Variants in CYTH1 observed in about 807,000 individuals in gnomAD.
CYTH1 encodes the protein cytohesin 1, also known as cytohesin-1.
Under a neutral mutation model 61.8 loss-of-function variants are expected in CYTH1, and 18 were observed. The observed-to-expected ratio is 0.29, with a 90% CI of 0.20 to 0.43. The LOEUF (loss-of-function observed/expected upper bound fraction) is 0.43, where lower values mean the gene tolerates loss of function less well. CYTH1 is among the 20% of genes least tolerant of loss of function. The pLI is 1.00. For synonymous variants in CYTH1, 174 were observed against 184.3 expected (o/e 0.94, Z 0.45); for missense variants, 336 against 510.5 (o/e 0.66, Z 3.29).
chr17:78,732,772 A>T (rs1418768330), intron 1 of CYTH1, among the ~76,000 whole-genome samples: 1 of 152,176 alleles, frequency 6.6e-6, no homozygotes, highest in African/African-American at 2.4e-5. Flanking sequence ...AGAGACTACC[A>T]CAATCACATG....
rs56020680 is a variant in CYTH1, at chr17:78,733,076, C to CAAAAAAAA, written c.23-23352_23-23345dup. On this transcript the variant is annotated intron_variant, in intron 1 of 13. Transcript: ENST00000446868. ...CTGGCAACAGAGTGAGACTCCATCT[C>CAAAAAAAA]AAAAAAAAAAAAAAAAAAAAAAAAA... Among the ~76,000 whole-genome samples, 31 of 47,724 alleles carry CAAAAAAAA rather than the reference C, an allele frequency of 6.5e-4. 1 individual carries two copies. The highest frequency in any genetic ancestry group is 6.5e-3 in the East Asian group (7 of 1,080). 31.3% of individuals were successfully genotyped at this position (47,724 alleles called of 152,430 possible). A position where few individuals can be genotyped will look rare whatever the true frequency, so the allele number is the denominator to read the frequency against.
intron 1 of CYTH1, among the ~76,000 whole-genome samples, chr17:78,761,017 G>A (rs529467547): frequency 3.4e-4 from 51 of 152,144 alleles, no homozygotes; most frequent in Admixed American, 2.6e-4. Context: ...TGTATTTTTT[G>A]TAGAGACAGA....
At chr17:78,686,479 C>T (rs1371867801) in intron 11 of CYTH1, among the ~76,000 whole-genome samples, 1 of 152,138 alleles carries the variant, frequency 6.6e-6, no homozygotes, top group East Asian at 1.9e-4. Flanking sequence ...GTCCCCCTAA[C>T]CACTTACCCT....
intron 11 of CYTH1, among the ~76,000 whole-genome samples, chr17:78,683,243 C>T (rs887096728): frequency 1.3e-5 from 2 of 152,156 alleles, no homozygotes; most frequent in African/African-American, 4.8e-5. Flanking sequence ...GTGGTGGACC[C>T]TTCTTCTTCC....
intron 1 of CYTH1, among the ~76,000 whole-genome samples, chr17:78,724,553 T>C (rs907389766): frequency 6.6e-6 from 1 of 152,102 alleles, no homozygotes; most frequent in Non-Finnish European, 1.5e-5. Context: ...AGCATCCCCA[T>C]CCCAATTCCC....
At chr17:78,735,481 G>C (rs958580418) in intron 1 of CYTH1, among the ~76,000 whole-genome samples, 2 of 152,226 alleles carry the variant, frequency 1.3e-5, no homozygotes, top group African/African-American at 4.8e-5. Flanking sequence ...GCACCAAGCA[G>C]GCAGTTCAGC....
chr17:78,692,576 C>G, intron 10 of CYTH1, 83 bp from the exon 11 acceptor site: 1 of 1,311,132 alleles, frequency 7.6e-7, no homozygotes. Flanking sequence ...ACCCTCTCTT[C>G]TCAGAGAGGG....
chr17:78,732,297 A>C (rs75092973), intron 1 of CYTH1, among the ~76,000 whole-genome samples: 147 of 152,286 alleles, frequency 9.7e-4, no homozygotes, highest in African/African-American at 3.4e-3. Context: ...TTGATCCCCC[A>C]CAGCCAGTCC....
At chr17:78,773,496 G>A (rs2093479588) in intron 1 of CYTH1, among the ~76,000 whole-genome samples, 1 of 150,808 alleles carries the variant, frequency 6.6e-6, no homozygotes. Flanking sequence ...AGGGCATGGT[G>A]GCGTGCGCCT....
intron 1 of CYTH1, among the ~76,000 whole-genome samples, chr17:78,715,211 A>G (rs1253628236): frequency 6.6e-6 from 1 of 152,226 alleles, no homozygotes; most frequent in African/African-American, 2.4e-5. Flanking sequence ...CCACGAGGGA[A>G]GATCTCGCTG....
rs2093189598 is a variant in CYTH1 at position 78,717,290 on chromosome 17, G to A, written c.23-7558C>T. 6.6e-6 allele frequency among the ~76,000 whole-genome samples: 1 copy of A among 152,144 alleles called. No individual in the cohort carries two copies. Among genetic ancestry groups the A allele is most frequent in the Admixed American group, 6.5e-5 (1 of 15,280 alleles). ...TCGCCCTCCTCGCCCATTGCCAGAG[G>A]GGCACCCGGAATCCATGCCCACAAA... On this transcript the variant is annotated intron_variant, in intron 1 of 13. Coordinates refer to ENST00000446868, the MANE Select transcript of CYTH1 (RefSeq NM_004762.6). The surrounding 1 kb of genome is among the most constrained non-coding windows in gnomAD (Gnocchi z 4.4).
At chr17:78,765,821 T>A (rs1449181046) in intron 1 of CYTH1, among the ~76,000 whole-genome samples, 1 of 152,112 alleles carries the variant, frequency 6.6e-6, no homozygotes, top group Admixed American at 6.5e-5. Context: ...TTGATTTTTT[T>A]TAAATCCTGC....
At position 78,713,956 on chromosome 17, in the gene CYTH1, C is replaced by T. The variant is rs74001212; in HGVS notation, c.23-4224G>A. 4.2e-3 allele frequency among the ~76,000 whole-genome samples: 639 copies of T among 152,246 alleles called. 6 individuals are homozygous for T. Among genetic ancestry groups the T allele is most frequent in the African/African-American group, 0.014 (601 of 41,512 alleles). Reference sequence around the variant, plus strand: ...CTTCTGTATTATAAATTCAAAATGCCCTTCTAGTCCTCTATCTTCCAAGAT... The same window carrying T: ...CTTCTGTATTATAAATTCAAAATGCTCTTCTAGTCCTCTATCTTCCAAGAT... On this transcript the variant is annotated intron_variant, in intron 1 of 13. Transcript: ENST00000446868.
rs12601281 is a variant in CYTH1, at chr17:78,693,052, G to A, written c.815-559C>T. Among the ~76,000 whole-genome samples, 32 of 152,246 alleles carry A rather than the reference G, an allele frequency of 2.1e-4. No homozygotes were observed. In the East Asian group the frequency reaches 4.1e-3, roughly 19 times the overall value. ...TCTTCTTCACCTTCATGATTACAGT[G>A]AGCTTCTACACTGGCTCTTAACCTT... On this transcript the variant is annotated intron_variant, in intron 10 of 13. Transcript: ENST00000446868.
At chr17:78,736,005 G>A (rs2093318486) in intron 1 of CYTH1, among the ~76,000 whole-genome samples, 1 of 152,234 alleles carries the variant, frequency 6.6e-6, no homozygotes, top group African/African-American at 2.4e-5. Context: ...ACTGTTTACA[G>A]TACAGGTGTG....
chr17:78,734,518 G>A lies in CYTH1; in HGVS notation c.23-24786C>T, dbSNP rs1051083672. ...TGCAGTGGTACGATTTCGGCTCAAC[G>A]CAACCTCAGCCTCCTGGGTTCAAGC... On this transcript the variant is annotated intron_variant, in intron 1 of 13. Transcript: ENST00000446868. 1.3e-4 allele frequency among the ~76,000 whole-genome samples: 16 copies of A among 125,598 alleles called. No homozygotes were observed. In the East Asian group the frequency reaches 3.8e-3, roughly 30 times the overall value. 82.4% of individuals were successfully genotyped at this position (125,598 alleles called of 152,430 possible). A position where few individuals can be genotyped will look rare whatever the true frequency, so the allele number is the denominator to read the frequency against.
Position 78,717,209 on chromosome 17 carries a change from T to C in CYTH1, c.23-7477A>G, listed in dbSNP as rs1598875379. 6.6e-6 allele frequency among the ~76,000 whole-genome samples: 1 copy of C among 152,178 alleles called. No individual in the cohort carries two copies. Among genetic ancestry groups the C allele is most frequent in the Non-Finnish European group, 1.5e-5 (1 of 68,032 alleles). Reference sequence around the variant, plus strand: ...CAGCAGGTTGTCCCTGCCGGCAGCCTGAGCACAATGGAGACAAACCAGAGG... The same window carrying C: ...CAGCAGGTTGTCCCTGCCGGCAGCCCGAGCACAATGGAGACAAACCAGAGG... On this transcript the variant is annotated intron_variant, in intron 1 of 13. Coordinates refer to ENST00000446868, the MANE Select transcript of CYTH1 (RefSeq NM_004762.6). This position sits in a 1 kb window ranked among gnomAD's most constrained non-coding sequence, Gnocchi z 4.4.
intron 1 of CYTH1, among the ~76,000 whole-genome samples, chr17:78,781,995 C>T (rs575794275): frequency 1.3e-5 from 2 of 151,646 alleles, no homozygotes; most frequent in East Asian, 3.9e-4. Flanking sequence ...CGACCCCGGC[C>T]CCGGCGACCC....
chr17:78,768,183 C>CCT (rs764282468), intron 1 of CYTH1, among the ~76,000 whole-genome samples: 4 of 152,228 alleles, frequency 2.6e-5, no homozygotes, highest in Non-Finnish European at 4.4e-5. Context: ...CAGCTCCTGC[C>CCT]CTCTCTCTCT....
Sources: allele counts gnomAD v4.1 joint callset (sites outside exome capture counted in the v4.1 genomes callset), GRCh38; gene constraint gnomAD v4.1.1; non-coding constraint Gnocchi (gnomAD v3.1); transcripts MANE v1.5; gene names NCBI Gene and HGNC (gene_info 2026-07-23, HGNC 2026-07-21).